ANKS1B: variants seen among roughly 807,000 people sequenced by gnomAD.
The protein encoded by ANKS1B is ankyrin repeat and sterile alpha motif domain-containing protein 1B.
A neutral mutation model predicts 148.3 loss-of-function variants in ANKS1B; 36 were observed. The ratio of observed to expected loss-of-function variants is 0.24; its 90% CI spans 0.19 to 0.32. The LOEUF is 0.32. Ranked by LOEUF, ANKS1B falls within the 10% of genes least tolerant of loss-of-function variation. The pLI, the probability that ANKS1B is intolerant of heterozygous loss-of-function variation, is 1.00. For synonymous variants in ANKS1B, 542 were observed against 560.8 expected (o/e 0.97, Z 0.47); for missense variants, 1,157 against 1,542.6 (o/e 0.75, Z 4.19).
chr12:99,328,110 T>C (rs1245702123), intron 12 of ANKS1B, among the ~76,000 whole-genome samples: 3 of 151,940 alleles, frequency 2.0e-5, no homozygotes, highest in Admixed American at 6.6e-5. Flanking sequence ...AGTGAAAATA[T>C]ATAAAATGAT....
Position 99,092,162 on chromosome 12 carries a change from C to T in ANKS1B, c.2527-7139G>A, listed in dbSNP as rs139556183. Among the ~76,000 whole-genome samples, 1,072 of 152,206 alleles carry T rather than the reference C, an allele frequency of 7.0e-3. 13 individuals are homozygous for T. The highest frequency in any genetic ancestry group is 0.047 in the South Asian group (228 of 4,820). ...GGGGGTTTCTAGTTTCTAGTCTAAA[C>T]GTTCCCTAACTACCCACAAAGCTTC... On this transcript the variant is annotated intron_variant, in intron 15 of 26. Coordinates refer to ENST00000683438, the MANE Select transcript of ANKS1B (RefSeq NM_001352186.2).
chr12:99,765,784 T>A (rs528862134), intron 8 of ANKS1B, among the ~76,000 whole-genome samples: 1 of 152,156 alleles, frequency 6.6e-6, no homozygotes, highest in African/African-American at 2.4e-5. Flanking sequence ...CTGTGAAACA[T>A]AAAAATCAAG....
intron 19 of ANKS1B, among the ~76,000 whole-genome samples, chr12:98,823,476 T>C (rs1049077885): frequency 3.9e-5 from 6 of 152,214 alleles, no homozygotes; most frequent in Non-Finnish European, 5.9e-5. Flanking sequence ...AAAACTTGTT[T>C]AGTTTGGGGA....
At chr12:99,083,494 C>G (rs141200404) in intron 16 of ANKS1B, among the ~76,000 whole-genome samples, 2 of 152,270 alleles carry the variant, frequency 1.3e-5, no homozygotes, top group Admixed American at 6.5e-5. Flanking sequence ...TTTCAAATTC[C>G]TCAGCCTGAC....
chr12:99,710,959 C>T (rs2056553141), intron 8 of ANKS1B, among the ~76,000 whole-genome samples: 1 of 151,996 alleles, frequency 6.6e-6, no homozygotes, highest in Non-Finnish European at 1.5e-5. Context: ...AATCTCTCAA[C>T]TCCTCCTATC....
chr12:98,846,849 C>T (rs1335014273), intron 17 of ANKS1B, among the ~76,000 whole-genome samples: 2 of 152,208 alleles, frequency 1.3e-5, no homozygotes, highest in Non-Finnish European at 2.9e-5. Flanking sequence ...TGACAGTTAT[C>T]AAACTAGTCC....
At chr12:98,974,890 C>T (rs2099890266) in intron 17 of ANKS1B, among the ~76,000 whole-genome samples, 1 of 150,908 alleles carries the variant, frequency 6.6e-6, no homozygotes, top group South Asian at 2.1e-4. Flanking sequence ...CCATCCCTCC[C>T]TTCCTTTCCT....
In ANKS1B at chr12:99,619,854, T is replaced by C. The variant is rs375957008; in HGVS notation, c.1272+35213A>G. On this transcript the variant is annotated intron_variant, in intron 9 of 26. Transcript: ENST00000683438. ...GATTCTTGCTTGGCACTGGTACCTG[T>C]GCCTGCCATTGGAGGACCTGTTGGC... Among the ~76,000 whole-genome samples the C allele has an allele frequency of 5.9e-5, 9 of 152,304 alleles. No homozygotes were observed. In the East Asian group the frequency reaches 1.2e-3, roughly 20 times the overall value.
intron 12 of ANKS1B, among the ~76,000 whole-genome samples, chr12:99,284,267 G>C (rs915753737): frequency 2.6e-5 from 4 of 152,068 alleles, no homozygotes; most frequent in African/African-American, 9.7e-5. Flanking sequence ...GTATATTAGA[G>C]CCTCTTTGTA....
chr12:99,840,841 TAAG>T (rs1261568636), intron 1 of ANKS1B, among the ~76,000 whole-genome samples: 3 of 152,140 alleles, frequency 2.0e-5, no homozygotes, highest in Non-Finnish European at 2.9e-5. Flanking sequence ...ACTAAAATAA[TAAG>T]AAGATAATCT....
intron 1 of ANKS1B, among the ~76,000 whole-genome samples, chr12:99,906,027 T>C (rs887984066): frequency 1.3e-5 from 2 of 152,214 alleles, no homozygotes; most frequent in African/African-American, 4.8e-5. Context: ...GTTTCAGGGA[T>C]ATGTTAAACA....
rs192724856 is a variant in ANKS1B, at chr12:99,505,145, T to A, written c.1273-504A>T. ...CCCAGGCTCCTCTCTTTGGATGCAG[T>A]TTTGATATCTGGAGCTAGGGCAAGC... On this transcript the variant is annotated intron_variant, in intron 9 of 26. Transcript: ENST00000683438. Among the ~76,000 whole-genome samples, 669 of 152,156 alleles carry A rather than the reference T, an allele frequency of 4.4e-3. 23 individuals are homozygous for A. The highest frequency in any genetic ancestry group is 0.038 in the Admixed American group (576 of 15,260).
At chr12:99,620,352 C>T (rs796866239) in intron 9 of ANKS1B, among the ~76,000 whole-genome samples, 1 of 152,168 alleles carries the variant, frequency 6.6e-6, no homozygotes, top group South Asian at 2.1e-4. Context: ...ACCAAAGGAT[C>T]ACACTAGCTC....
intron 14 of ANKS1B, among the ~76,000 whole-genome samples, chr12:99,191,605 A>G (rs1268653365): frequency 7.0e-6 from 1 of 143,088 alleles, no homozygotes; most frequent in African/African-American, 2.6e-5. Flanking sequence ...CAGAAAACCA[A>G]ACACCATATA....
chr12:99,276,352 T>C (rs1277972366), intron 12 of ANKS1B, among the ~76,000 whole-genome samples: 6 of 152,180 alleles, frequency 3.9e-5, no homozygotes, highest in Admixed American at 3.3e-4. Context: ...TAAAGTGATG[T>C]ATTTGGATAT....
intron 11 of ANKS1B, among the ~76,000 whole-genome samples, chr12:99,416,974 A>T (rs2094928543): frequency 6.6e-6 from 1 of 152,202 alleles, no homozygotes; most frequent in African/African-American, 2.4e-5. Context: ...GGTTACTGGC[A>T]TGCAGTCAGG....
chr12:99,301,169 C>T (rs1250564346), intron 12 of ANKS1B, among the ~76,000 whole-genome samples: 1 of 152,194 alleles, frequency 6.6e-6, no homozygotes, highest in Non-Finnish European at 1.5e-5. Context: ...TTCACCTTTT[C>T]ATTCTATCTG....
chr12:99,849,535 C>G (rs772848485), intron 1 of ANKS1B, among the ~76,000 whole-genome samples: 1 of 152,076 alleles, frequency 6.6e-6, no homozygotes, highest in Non-Finnish European at 1.5e-5. Flanking sequence ...TTCAGAAATT[C>G]TTACCTATGT....
chr12:99,795,641 C>G (rs1372206243), intron 4 of ANKS1B, among the ~76,000 whole-genome samples: 2 of 151,924 alleles, frequency 1.3e-5, no homozygotes, highest in Non-Finnish European at 2.9e-5. Flanking sequence ...GATTTGGCTT[C>G]ACAGATACTT....
Sources: allele counts gnomAD v4.1 joint callset (sites outside exome capture counted in the v4.1 genomes callset), GRCh38; gene constraint gnomAD v4.1.1; transcripts MANE v1.5; gene names NCBI Gene and HGNC (gene_info 2026-07-23, HGNC 2026-07-21).